The following MKLN1 variants were observed in gnomAD, a reference collection of about 807,000 sequenced individuals.
MKLN1 encodes muskelin 1.
In MKLN1, 18 loss-of-function variants were observed where a neutral mutation model predicts 99.0. That is an observed-to-expected ratio of 0.18 (90% CI 0.13 to 0.27). The LOEUF is 0.27. Ranked by LOEUF, MKLN1 falls within the 10% of genes least tolerant of loss-of-function variation. The pLI, the probability that MKLN1 is intolerant of heterozygous loss-of-function variation, is 1.00. For missense variants in MKLN1, 621 were observed against 875.9 expected (o/e 0.71, Z 3.67); for synonymous variants, 288 against 293.2 (o/e 0.98, Z 0.18).
At chr7:131,182,365 G>A (rs970120920) in intron 2 of MKLN1, among the ~76,000 whole-genome samples, 4 of 152,212 alleles carry the variant, frequency 2.6e-5, no homozygotes, top group African/African-American at 9.6e-5. Context: ...CAGCCAAGCT[G>A]TCACTCTCTA....
intron 3 of MKLN1, among the ~76,000 whole-genome samples, chr7:131,238,089 G>A (rs528851173): frequency 1.3e-5 from 2 of 152,272 alleles, no homozygotes; most frequent in African/African-American, 4.8e-5. Context: ...GGAGGTTGCA[G>A]TGAGCTGAGA....
intron 17 of MKLN1, among the ~76,000 whole-genome samples, chr7:131,479,595 G>C (rs930076298): frequency 5.9e-5 from 9 of 151,962 alleles, no homozygotes; most frequent in African/African-American, 2.2e-4. Flanking sequence ...GGGAGGCTGA[G>C]GCAGGAGGAT....
intron 1 of MKLN1, among the ~76,000 whole-genome samples, chr7:131,345,617 G>T (rs1799536858): frequency 6.6e-6 from 1 of 152,122 alleles, no homozygotes; most frequent in African/African-American, 2.4e-5. Flanking sequence ...GAGAGGCTGA[G>T]GCTTGAGGAT....
intron 8 of MKLN1, among the ~76,000 whole-genome samples, chr7:131,422,284 A>AT (rs1358756557): frequency 6.6e-6 from 1 of 152,214 alleles, no homozygotes; most frequent in Non-Finnish European, 1.5e-5. Flanking sequence ...ATGGTAGCTC[A>AT]TACCTATAAT....
intron 2 of MKLN1, among the ~76,000 whole-genome samples, chr7:131,174,325 T>C (rs1277060016): frequency 6.6e-6 from 1 of 152,184 alleles, no homozygotes; most frequent in East Asian, 1.9e-4. Flanking sequence ...TCCTTTTCAT[T>C]CCACAATATG....
chr7:131,159,844 A>G (rs1312311616), intron 2 of MKLN1, among the ~76,000 whole-genome samples: 1 of 152,188 alleles, frequency 6.6e-6, no homozygotes, highest in Non-Finnish European at 1.5e-5. Context: ...AGCACTTTAC[A>G]TATGTTAACT....
At chr7:131,244,543 T>C (rs1392964464) in intron 3 of MKLN1, among the ~76,000 whole-genome samples, 1 of 152,140 alleles carries the variant, frequency 6.6e-6, no homozygotes, top group Non-Finnish European at 1.5e-5. Context: ...GTCTCCCTGC[T>C]TATAACTGGT....
At chr7:131,279,693 C>G (rs940542154) in intron 3 of MKLN1, among the ~76,000 whole-genome samples, 1 of 152,116 alleles carries the variant, frequency 6.6e-6, no homozygotes, top group African/African-American at 2.4e-5. Context: ...GTTGTCCCAG[C>G]TACTCGGGAG....
At chr7:131,332,074 T>C (rs1278759470) in intron 1 of MKLN1, among the ~76,000 whole-genome samples, 1 of 152,104 alleles carries the variant, frequency 6.6e-6, no homozygotes, top group Non-Finnish European at 1.5e-5. Context: ...TGTTATGATT[T>C]GACAACTAGA....
chr7:131,462,302 T>C (rs927769149), intron 12 of MKLN1, among the ~76,000 whole-genome samples: 1 of 152,178 alleles, frequency 6.6e-6, no homozygotes, highest in Non-Finnish European at 1.5e-5. Context: ...AGCACTGATA[T>C]TACATGCACG....
At chr7:131,113,602 G>T (rs1795228537) in intron 1 of MKLN1, among the ~76,000 whole-genome samples, 1 of 148,182 alleles carries the variant, frequency 6.7e-6, no homozygotes, top group Non-Finnish European at 1.5e-5. Flanking sequence ...TGGGCAGATT[G>T]CTTGAGCTCA....
At chr7:131,113,960 A>G (rs546717903) in intron 1 of MKLN1, among the ~76,000 whole-genome samples, 2 of 152,302 alleles carry the variant, frequency 1.3e-5, no homozygotes, top group African/African-American at 4.8e-5. Context: ...AACTGCCCCC[A>G]TGATCCAGTC....
At chr7:131,232,084 G>T (rs1054955645) in intron 3 of MKLN1, among the ~76,000 whole-genome samples, 2 of 152,054 alleles carry the variant, frequency 1.3e-5, no homozygotes, top group Admixed American at 6.5e-5. Flanking sequence ...TATTTATTTG[G>T]ATCAGTGATT....
At chr7:131,385,782 G>C (rs1793994105) in intron 2 of MKLN1, among the ~76,000 whole-genome samples, 1 of 151,984 alleles carries the variant, frequency 6.6e-6, no homozygotes, top group African/African-American at 2.4e-5. Context: ...ACTCTTATCA[G>C]ATATATGATT....
intron 1 of MKLN1, among the ~76,000 whole-genome samples, chr7:131,358,986 T>C (rs1799954189): frequency 6.6e-6 from 1 of 152,150 alleles, no homozygotes; most frequent in African/African-American, 2.4e-5. Context: ...CTTGCTTTAT[T>C]CTACGCATTT....
intron 1 of MKLN1, among the ~76,000 whole-genome samples, chr7:131,136,049 T>G (rs1229719606): frequency 6.6e-6 from 1 of 152,212 alleles, no homozygotes; most frequent in Admixed American, 6.5e-5. Context: ...TTATGAGTTC[T>G]GTTGTGCTTG....
intron 2 of MKLN1, among the ~76,000 whole-genome samples, chr7:131,194,150 A>T (rs142167180): frequency 1.8e-4 from 28 of 152,008 alleles, no homozygotes; most frequent in African/African-American, 6.0e-4. Context: ...GTGCCCAGAC[A>T]ATTACCTATT....
chr7:131,330,265 A>AATAT (rs1335888889), intron 1 of MKLN1, among the ~76,000 whole-genome samples: 2 of 152,214 alleles, frequency 1.3e-5, no homozygotes, highest in Admixed American at 6.5e-5. Flanking sequence ...GGTACTTCTT[A>AATAT]AACAGGTCTC....
At chr7:131,394,599 G>A (rs977446578) in intron 4 of MKLN1, among the ~76,000 whole-genome samples, 8 of 151,994 alleles carry the variant, frequency 5.3e-5, no homozygotes, top group African/African-American at 1.9e-4. Context: ...TTCCTAACAG[G>A]CCAGGGACCT....
Sources: allele counts gnomAD v4.1 joint callset (sites outside exome capture counted in the v4.1 genomes callset), GRCh38; gene constraint gnomAD v4.1.1; transcripts MANE v1.5; gene names NCBI Gene and HGNC (gene_info 2026-07-23, HGNC 2026-07-21).